The following DYM variants were observed in gnomAD, a reference collection of about 807,000 sequenced individuals.
DYM encodes the protein dyggve-Melchior-Clausen syndrome protein.
Under a neutral mutation model 93.1 loss-of-function variants are expected in DYM, and 78 were observed. The observed-to-expected ratio is 0.84, with a 90% CI of 0.70 to 1.01. DYM has a LOEUF of 1.01. DYM is among the 50% of genes least tolerant of loss of function. The pLI, the probability that DYM is intolerant of heterozygous loss-of-function variation, is 0.00. For synonymous variants in DYM, 321 were observed against 319.7 expected (o/e 1.00, Z -0.04); for missense variants, 789 against 845.0 (o/e 0.93, Z 0.82).
intron 2 of DYM, among the ~76,000 whole-genome samples, chr18:49,423,750 C>T (rs1308373021): frequency 1.3e-5 from 2 of 152,162 alleles, no homozygotes; most frequent in Admixed American, 6.5e-5. Context: ...AAACTACCAT[C>T]AGAGAATACT....
At chr18:49,266,297 C>T (rs866444272) in intron 11 of DYM, among the ~76,000 whole-genome samples, 1 of 151,954 alleles carries the variant, frequency 6.6e-6, no homozygotes, top group Non-Finnish European at 1.5e-5. Flanking sequence ...CTTTTCTTCA[C>T]CATATAATAA....
In DYM at chr18:49,339,257, C is replaced by T. The variant is rs985980333; in HGVS notation, c.495-5404G>A. Reference sequence around the variant, plus strand: ...ACAGACACACACGCGTGCATGCGCACGTGCCAAAGAAAAATCCACAGAGAT... The same window carrying T: ...ACAGACACACACGCGTGCATGCGCATGTGCCAAAGAAAAATCCACAGAGAT... On this transcript the variant is annotated intron_variant, in intron 6 of 17. Transcript: ENST00000675505. Among the ~76,000 whole-genome samples the T allele has an allele frequency of 4.6e-5, 7 of 152,300 alleles. 1 individual carries two copies. In the South Asian group the frequency reaches 1.5e-3, roughly 32 times the overall value.
At chr18:49,170,611 C>T (rs930217414) in intron 14 of DYM, among the ~76,000 whole-genome samples, 4 of 151,650 alleles carry the variant, frequency 2.6e-5, no homozygotes, top group African/African-American at 4.8e-5. Context: ...GAAACCCCAT[C>T]TCTAATAAAA....
Position 49,331,964 on chromosome 18 carries a change from G to C in DYM, c.663C>G (p.Asn221Lys). 4 of 1,613,862 alleles carry C rather than the reference G, an allele frequency of 2.5e-6. No homozygotes were observed. The highest frequency in any genetic ancestry group is 3.4e-6 in the Non-Finnish European group (4 of 1,179,928). Reference sequence around the variant, plus strand: ...GAGGTGGCTTTTCTTGTCTGATAAAGTTATATAATAAGGTCTTCACAAGTT... The same window carrying C: ...GAGGTGGCTTTTCTTGTCTGATAAACTTATATAATAAGGTCTTCACAAGTT... ...TSKLVKTLLY[N>K]FIRQEKPPPP... is the part of the protein sequence containing the mutation. Residue 221 changes from asparagine to lysine, a missense_variant, in exon 8 of 18, where the codon AAC becomes AAG. Asn to Lys is a moderately conservative substitution (Grantham distance 94). This residue lies in a region of DYM where 450 missense variants were observed against 436.2 expected (regional missense o/e 1.03). Transcript: ENST00000675505.
intron 16 of DYM, among the ~76,000 whole-genome samples, chr18:49,105,100 C>A (rs1184435440): frequency 1.3e-5 from 2 of 152,166 alleles, no homozygotes; most frequent in Non-Finnish European, 2.9e-5. Flanking sequence ...TGTTATTGGT[C>A]TATTCAGAGA....
chr18:49,307,228 A>G (rs2061326740), intron 8 of DYM, among the ~76,000 whole-genome samples: 2 of 152,118 alleles, frequency 1.3e-5, no homozygotes, highest in South Asian at 4.1e-4. Flanking sequence ...AATGGCTTCA[A>G]CAAAAGTCCA....
Position 49,040,042 on chromosome 18 carries a change from A to G in DYM, c.*4013T>C, listed in dbSNP as rs563936562. 5 of 152,362 alleles carry G rather than the reference A, an allele frequency of 3.3e-5. No homozygotes were observed. In the South Asian group the frequency reaches 1.0e-3, roughly 32 times the overall value. The allele number at this position is 152,362 out of a possible 1,614,324, so 9.4% of individuals were successfully genotyped here. A position where few individuals can be genotyped will look rare whatever the true frequency, so the allele number is the denominator to read the frequency against. On this transcript the variant is annotated 3_prime_UTR_variant, in exon 18 of 18. Coordinates refer to ENST00000675505, the MANE Select transcript of DYM (RefSeq NM_001353214.3). Reference sequence around the variant, plus strand: ...AATTGGGCACCTGAAGGCATCAGTAATCTGGTTTCACCTCGGACCACATTC... The same window carrying G: ...AATTGGGCACCTGAAGGCATCAGTAGTCTGGTTTCACCTCGGACCACATTC...
intron 11 of DYM, among the ~76,000 whole-genome samples, chr18:49,262,812 A>C (rs1363087094): frequency 6.7e-6 from 1 of 150,318 alleles, no homozygotes; most frequent in Non-Finnish European, 1.5e-5. Context: ...CCTTGTAACC[A>C]CTCTAGAGTA....
rs145024183 is a variant in DYM, at chr18:49,087,503, C to G, written c.2025+9899G>C. On this transcript the variant is annotated intron_variant, in intron 17 of 17. Coordinates refer to ENST00000675505, the MANE Select transcript of DYM (RefSeq NM_001353214.3). ...CATTATAATGAATATCATGGGCTAG[C>G]CTGTTTATCAAGAATGATTAGCCAA... Among the ~76,000 whole-genome samples the G allele has an allele frequency of 9.5e-4, 145 of 152,258 alleles. 1 individual carries two copies. In the East Asian group the frequency reaches 0.024, roughly 25 times the overall value.
chr18:49,084,699 G>GTAATAC (rs1402315679), intron 17 of DYM, among the ~76,000 whole-genome samples: 1 of 152,134 alleles, frequency 6.6e-6, no homozygotes, highest in African/African-American at 2.4e-5. Flanking sequence ...TTTATGTAAT[G>GTAATAC]TAATACTAAT....
chr18:49,049,451 C>G (rs954795047), intron 17 of DYM, among the ~76,000 whole-genome samples: 1 of 152,136 alleles, frequency 6.6e-6, no homozygotes, highest in Non-Finnish European at 1.5e-5. Flanking sequence ...AGCTGAGTGA[C>G]CTTGGACTAG....
In DYM at chr18:49,259,028, T is replaced by C. The variant is rs190327835; in HGVS notation, c.1252-535A>G. ...GGCTCAGCCGAGCACTAGAACTCCC[T>C]AATGTTCTCTTTCGTTAAGGTTACT... On this transcript the variant is annotated intron_variant, in intron 11 of 17. Transcript: ENST00000675505. Among the ~76,000 whole-genome samples the C allele has an allele frequency of 3.4e-4, 52 of 151,602 alleles. 1 individual carries two copies. The highest frequency in any genetic ancestry group is 1.2e-3 in the African/African-American group (51 of 41,358).
chr18:49,445,996 GAAGGA>G (rs1396720741), intron 1 of DYM, among the ~76,000 whole-genome samples: 1 of 152,098 alleles, frequency 6.6e-6, no homozygotes. Context: ...AGAAATAGGG[GAAGGA>G]AAGGGAAGAA....
At chr18:49,442,073 T>C (rs574494589) in intron 1 of DYM, among the ~76,000 whole-genome samples, 1 of 152,154 alleles carries the variant, frequency 6.6e-6, no homozygotes, top group Admixed American at 6.6e-5. Flanking sequence ...TACAGAAATT[T>C]AGGAACTGCC....
intron 16 of DYM, among the ~76,000 whole-genome samples, 154 bp from the exon 17 acceptor site, chr18:49,097,669 C>T (rs1366853289): frequency 1.3e-5 from 2 of 152,178 alleles, no homozygotes; most frequent in African/African-American, 2.4e-5. Flanking sequence ...GTTTGCTCTC[C>T]GTTGGGTTTG....
At chr18:49,233,577 T>C (rs2093774220) in intron 13 of DYM, among the ~76,000 whole-genome samples, 1 of 152,192 alleles carries the variant, frequency 6.6e-6, no homozygotes, top group Admixed American at 6.5e-5. Context: ...ATGTAGTAGT[T>C]GTGCTATCAC....
intron 14 of DYM, among the ~76,000 whole-genome samples, chr18:49,199,585 ACATTT>A (rs2091834481): frequency 6.6e-6 from 1 of 152,266 alleles, no homozygotes; most frequent in African/African-American, 2.4e-5. Flanking sequence ...GTGGGATAAT[ACATTT>A]CATTTCATGC....
intron 9 of DYM, among the ~76,000 whole-genome samples, chr18:49,283,035 T>G (rs2095029811): frequency 6.6e-6 from 1 of 152,180 alleles, no homozygotes. Context: ...TTGAAAATAT[T>G]CTAAGTTGAA....
intron 17 of DYM, among the ~76,000 whole-genome samples, chr18:49,072,383 TA>T (rs574215379): frequency 6.7e-5 from 10 of 149,620 alleles, no homozygotes; most frequent in East Asian, 3.9e-4. Flanking sequence ...AATGCCAACA[TA>T]AAAAAAAAAT....
Sources: gnomAD v4.1 joint callset for allele counts (sites outside exome capture counted in the v4.1 genomes callset) on GRCh38, gnomAD v4.1.1 for gene constraint, gnomAD v4.1.1 regional missense constraint, MANE v1.5 for transcripts, NCBI Gene and HGNC (gene_info 2026-07-23, HGNC 2026-07-21) for gene names.